The following PRELID2 variants were observed in gnomAD, a reference collection of about 807,000 sequenced individuals.
The protein encoded by PRELID2 is PRELI domain containing 2, also known as PRELI domain-containing protein 2.
Under a neutral mutation model 28.4 loss-of-function variants are expected in PRELID2, and 25 were observed. That is an observed-to-expected ratio of 0.88 (90% CI 0.64 to 1.23). PRELID2 has a LOEUF of 1.23. Ranked by LOEUF, PRELID2 falls within the 50% of genes most tolerant of loss-of-function variation. The probability of loss-of-function intolerance (pLI) is 0.00; values close to 1 mark genes in which losing one functional copy is unlikely to be tolerated. For missense variants in PRELID2, 201 were observed against 214.4 expected (o/e 0.94, Z 0.39); for synonymous variants, 76 against 71.6 (o/e 1.06, Z -0.31).
intron 1 of PRELID2, among the ~76,000 whole-genome samples, chr5:145,738,045 C>T (rs934832201): frequency 6.6e-6 from 1 of 152,170 alleles, no homozygotes; most frequent in Non-Finnish European, 1.5e-5. Context: ...CACTTCTACC[C>T]TTCCCAGGGT....
At chr5:145,367,537 T>C in the PRELID2 span, among the ~76,000 whole-genome samples, 7 of 152,074 alleles carry the variant, frequency 4.6e-5, no homozygotes, top group South Asian at 1.2e-3. Context: ...AAATTTATAA[T>C]GACATGTAGC....
At chr5:145,796,397 T>C (rs371019843) in intron 5 of PRELID2, 45 bp downstream of exon 5, 4 of 1,318,720 alleles carry the variant, frequency 3.0e-6, no homozygotes, top group Non-Finnish European at 4.3e-6. Context: ...GGAACTCCTA[T>C]TGTTTTTTAA....
chr5:145,230,125 G>A, the PRELID2 span: 3 of 548,702 alleles, frequency 5.5e-6, no homozygotes, highest in Non-Finnish European at 1.0e-5. Context: ...TAATTGTTGT[G>A]ATAATTTGTA....
Position 145,819,298 on chromosome 5 carries a change from T to C in PRELID2, c.207+647A>G, listed in dbSNP as rs1754591204. 4 of 918,088 alleles carry C rather than the reference T, an allele frequency of 4.4e-6. No homozygotes were observed. The Admixed American group carries it at 7.2e-5, about 17-fold the overall frequency. The allele number at this position is 918,088 out of a possible 1,614,324, so 56.9% of individuals were successfully genotyped here. On this transcript the variant is annotated intron_variant, in intron 3 of 6. Transcript: ENST00000683046. ...AAGGGCATATCCAGATGCTTTCCTC[T>C]GACTTCCTCATAGCTCTAAAAGGAC... is the stretch of plus-strand genomic sequence containing the variant.
the PRELID2 span, among the ~76,000 whole-genome samples, chr5:145,270,543 A>G: frequency 1.3e-5 from 2 of 152,192 alleles, no homozygotes; most frequent in African/African-American, 4.8e-5. Context: ...GTGCGGTTCT[A>G]GAATCAGAAT....
the PRELID2 span, among the ~76,000 whole-genome samples, chr5:145,298,454 T>C: frequency 6.6e-6 from 1 of 152,176 alleles, no homozygotes; most frequent in South Asian, 2.1e-4. Context: ...CCTTACACCT[T>C]ATACAAAAAT....
the PRELID2 span, chr5:145,229,849 C>T: frequency 1.3e-6 from 1 of 758,104 alleles, no homozygotes; most frequent in Non-Finnish European, 2.4e-6. Flanking sequence ...CAGGAGCCGG[C>T]AGAAGGGAAA....
chr5:145,308,770 AAG>A, the PRELID2 span, among the ~76,000 whole-genome samples: 6 of 152,222 alleles, frequency 3.9e-5, no homozygotes, highest in East Asian at 1.2e-3. Context: ...AATGGCAACA[AAG>A]AATTCAAATA....
chr5:145,490,308 T>G (rs756061546), intron 1 of PRELID2, among the ~76,000 whole-genome samples: 24 of 152,328 alleles, frequency 1.6e-4, no homozygotes, highest in Non-Finnish European at 2.8e-4. Flanking sequence ...TGTCCACACT[T>G]TCTCTTGTAC....
At chr5:145,367,244 AT>A in the PRELID2 span, among the ~76,000 whole-genome samples, 1 of 151,828 alleles carries the variant, frequency 6.6e-6, no homozygotes, top group African/African-American at 2.4e-5. Context: ...CCAAAATACT[AT>A]TGTTCTAATT....
In PRELID2 at chr5:145,641,561, T is replaced by C. The variant is rs145844687; in HGVS notation, n.70+123370A>G. 3.8e-3 allele frequency among the ~76,000 whole-genome samples: 577 copies of C among 152,374 alleles called. 1 individual carries two copies. Among genetic ancestry groups the C allele is most frequent in the African/African-American group, 0.013 (541 of 41,584 alleles). ...AGTTCTGGGGTATGTGTGCAGAACA[T>C]GCAGTTTTGTTACATAGGTATACAC... On this transcript the variant is annotated intron_variant and non_coding_transcript_variant, in intron 1 of 2. Transcript: ENST00000510259.
intron 1 of PRELID2, among the ~76,000 whole-genome samples, chr5:145,669,163 G>A (rs1318293217): frequency 6.6e-6 from 1 of 152,096 alleles, no homozygotes; most frequent in African/African-American, 2.4e-5. Context: ...CCGCATGGAG[G>A]CAGGATGATG....
intron 1 of PRELID2, among the ~76,000 whole-genome samples, chr5:145,744,997 C>T (rs1561570900): frequency 6.6e-6 from 1 of 151,918 alleles, no homozygotes; most frequent in African/African-American, 2.4e-5. Context: ...ACTAGAAAAA[C>T]CAGTTTAGAA....
intron 1 of PRELID2, among the ~76,000 whole-genome samples, chr5:145,503,845 T>A (rs976669867): frequency 6.6e-6 from 1 of 152,192 alleles, no homozygotes; most frequent in East Asian, 1.9e-4. Flanking sequence ...AAATATACCA[T>A]AGGTTTACCC....
rs566393476 is a variant in PRELID2 at position 145,559,495 on chromosome 5, G to T, written n.71-86180C>A. 3.3e-5 allele frequency among the ~76,000 whole-genome samples: 5 copies of T among 152,148 alleles called. No individual in the cohort carries two copies. In the East Asian group the frequency reaches 9.7e-4, roughly 29 times the overall value. ...TGTTTAAAATATGTGTCATATATGT[G>T]CACATACACATGCATAAACAAAACA... On this transcript the variant is annotated intron_variant and non_coding_transcript_variant, in intron 1 of 2. Transcript: ENST00000510259.
intron 1 of PRELID2, among the ~76,000 whole-genome samples, chr5:145,748,496 C>A (rs1458401350): frequency 6.6e-6 from 1 of 152,176 alleles, no homozygotes; most frequent in Non-Finnish European, 1.5e-5. Flanking sequence ...AATGAAGAAA[C>A]ATTCCATTCT....
intron 6 of PRELID2, among the ~76,000 whole-genome samples, chr5:145,761,299 C>A (rs1272807522): frequency 2.0e-5 from 3 of 152,178 alleles, no homozygotes; most frequent in Non-Finnish European, 4.4e-5. Context: ...ATGTGCCAAA[C>A]TAAATGCCTA....
chr5:145,639,009 G>A (rs964003812), intron 1 of PRELID2, among the ~76,000 whole-genome samples: 10 of 152,136 alleles, frequency 6.6e-5, no homozygotes, highest in African/African-American at 2.2e-4. Context: ...ACCTGGATTA[G>A]GTATTTTGGA....
At chr5:145,450,027 A>G in the PRELID2 span, among the ~76,000 whole-genome samples, 1 of 152,262 alleles carries the variant, frequency 6.6e-6, no homozygotes, top group African/African-American at 2.4e-5. Context: ...TAAAAACGAA[A>G]TGCAAACAGA....
Sources: allele counts gnomAD v4.1 joint callset (sites outside exome capture counted in the v4.1 genomes callset), GRCh38; gene constraint gnomAD v4.1.1; transcripts MANE v1.5; gene names NCBI Gene and HGNC (gene_info 2026-07-23, HGNC 2026-07-21).